DGCR2: variants seen among roughly 807,000 people sequenced by gnomAD.
The protein encoded by DGCR2 is DiGeorge syndrome critical region gene 2, also known as integral membrane protein DGCR2/IDD.
A neutral mutation model predicts 51.6 loss-of-function variants in DGCR2; 24 were observed. The observed-to-expected ratio is 0.47, with a 90% confidence interval of 0.34 to 0.65. The LOEUF is 0.65. Ranked by LOEUF, DGCR2 falls within the 30% of genes least tolerant of loss-of-function variation. The pLI, the probability that DGCR2 is intolerant of heterozygous loss-of-function variation, is 0.01. For synonymous variants in DGCR2, 340 were observed against 315.4 expected (o/e 1.08, Z -0.82); for missense variants, 765 against 772.1 (o/e 0.99, Z 0.11).
chr22:19,114,027 C>A, intron 1 of DGCR2, among the ~76,000 whole-genome samples: 1 of 148,110 alleles, frequency 6.8e-6, no homozygotes, highest in Admixed American at 6.8e-5. Context: ...CCACTGCACT[C>A]CAGCCTGGGC....
chr22:19,087,535 G>A (rs528986081), intron 2 of DGCR2, among the ~76,000 whole-genome samples: 53 of 152,168 alleles, frequency 3.5e-4, no homozygotes, highest in African/African-American at 1.2e-3. Context: ...TCGCCACCAC[G>A]CCCAGCTAAT....
In DGCR2 at chr22:19,065,019, G is replaced by A. The variant is rs2082732343; in HGVS notation, c.377C>T (p.Ala126Val). The change falls in exon 4 of 10, where the codon GCC (alanine) becomes GTC (valine). Residue 126 changes from alanine to valine, a missense_variant. This residue lies in a region of DGCR2 where 370 missense variants were observed against 325.5 expected (regional missense o/e 1.14). Transcript: ENST00000263196. ...GCTCAGGTAGACCCGGTAGCAGCTG[G>A]CCGTGCCTTCGTAGTGGTGCCACCC... ...PTGWHHYEGT[A>V]SCYRVYLSGE... 1 of 1,613,948 alleles carries A rather than the reference G, an allele frequency of 6.2e-7. No individual in the cohort carries two copies.
At chr22:19,077,273 T>C (rs577872271) in intron 2 of DGCR2, among the ~76,000 whole-genome samples, 22 of 152,360 alleles carry the variant, frequency 1.4e-4, no homozygotes, top group African/African-American at 5.1e-4. Flanking sequence ...CCAAATCCAG[T>C]GTCACGAAGA....
intron 1 of DGCR2, among the ~76,000 whole-genome samples, chr22:19,114,882 C>T (rs556712491): frequency 6.6e-6 from 1 of 152,312 alleles, no homozygotes; most frequent in East Asian, 1.9e-4. Context: ...CAGTACTGTC[C>T]TGTCCAACAG....
At chr22:19,039,718 C>T (rs1187101008) in intron 9 of DGCR2, among the ~76,000 whole-genome samples, 1 of 151,266 alleles carries the variant, frequency 6.6e-6, no homozygotes, top group East Asian at 1.9e-4. Context: ...TTATTACTTG[C>T]TTTTTTTTTC....
At chr22:19,079,744 GGAGCAGCCCCAGTCCCTGGCTCAA>G (rs1449389093) in intron 2 of DGCR2, among the ~76,000 whole-genome samples, 4 of 152,234 alleles carry the variant, frequency 2.6e-5, no homozygotes, top group Non-Finnish European at 5.9e-5. Flanking sequence ...TGAAAGCAGG[GGAGCAGCCCCAGTCCCTGGCTCAA>G]GCCCCCACAT....
chr22:19,079,847 G>C (rs1201947723), intron 2 of DGCR2, among the ~76,000 whole-genome samples: 3 of 152,228 alleles, frequency 2.0e-5, no homozygotes, highest in Non-Finnish European at 4.4e-5. Context: ...TTCTGGTCTG[G>C]TGTGCTTTGT....
intron 1 of DGCR2, among the ~76,000 whole-genome samples, chr22:19,117,549 A>T (rs2083386506): frequency 6.6e-6 from 1 of 152,236 alleles, no homozygotes; most frequent in Non-Finnish European, 1.5e-5. Context: ...ACAAGGATAA[A>T]CGGCCATGGC....
At chr22:19,108,570 A>T (rs1348024637) in intron 1 of DGCR2, among the ~76,000 whole-genome samples, 50 of 3,660 alleles carry the variant, frequency 0.014, no homozygotes, top group Non-Finnish European at 0.024. Context: ...GAATTTATCT[A>T]AAAAAAAAAA....
In DGCR2 at chr22:19,045,712, G is replaced by C. The variant is rs1412246588; in HGVS notation, c.1006+2728C>G. 2.6e-5 allele frequency among the ~76,000 whole-genome samples: 4 copies of C among 152,054 alleles called. No individual in the cohort carries two copies. The East Asian group carries it at 7.7e-4, about 29-fold the overall frequency. ...AGTACTACAATTACAGGCATGAGCCGCTGAACCCAGCCCTATTTTATTTTT... is the reference window on the plus strand; with the variant it reads ...AGTACTACAATTACAGGCATGAGCCCCTGAACCCAGCCCTATTTTATTTTT... On this transcript the variant is annotated intron_variant, in intron 7 of 9. Transcript: ENST00000263196.
intron 1 of DGCR2, among the ~76,000 whole-genome samples, chr22:19,102,477 T>C (rs1601292977): frequency 1.3e-5 from 2 of 148,162 alleles, no homozygotes. Flanking sequence ...CTGAGGTGGG[T>C]GGATCATGAG....
At chr22:19,096,899 A>G in intron 1 of DGCR2, among the ~76,000 whole-genome samples, 1 of 151,648 alleles carries the variant, frequency 6.6e-6, no homozygotes. Flanking sequence ...AAAAACAAAA[A>G]AAAAAAACAC....
At chr22:19,106,898 C>A (rs1285580226) in intron 1 of DGCR2, among the ~76,000 whole-genome samples, 2 of 151,912 alleles carry the variant, frequency 1.3e-5, no homozygotes, top group Non-Finnish European at 2.9e-5. Context: ...TTTCCTTCAC[C>A]GAGACAGCAG....
At chr22:19,111,337 C>T (rs879486843) in intron 1 of DGCR2, among the ~76,000 whole-genome samples, 2 of 152,168 alleles carry the variant, frequency 1.3e-5, no homozygotes, top group African/African-American at 2.4e-5. Flanking sequence ...GAAAAGGTGC[C>T]CGGTTCTTAG....
intron 5 of DGCR2, among the ~76,000 whole-genome samples, chr22:19,059,718 G>A (rs999595225): frequency 1.5e-4 from 23 of 152,074 alleles, no homozygotes; most frequent in Admixed American, 1.2e-3. Context: ...ACTCTGACGG[G>A]AGCCTTGGGC....
chr22:19,094,371 G>A (rs1003867321), intron 1 of DGCR2, among the ~76,000 whole-genome samples: 5 of 152,332 alleles, frequency 3.3e-5, no homozygotes, highest in Admixed American at 2.6e-4. Context: ...GTTGCAGTGA[G>A]CCAAGATTGC....
chr22:19,059,621 C>T (rs2082638712), intron 5 of DGCR2, among the ~76,000 whole-genome samples: 1 of 152,090 alleles, frequency 6.6e-6, no homozygotes, highest in Admixed American at 6.5e-5. Context: ...CCCCTGCCAC[C>T]CCAGCAGATC....
intron 1 of DGCR2, among the ~76,000 whole-genome samples, chr22:19,114,111 G>C (rs1344199781): frequency 7.9e-6 from 1 of 126,784 alleles, no homozygotes; most frequent in Non-Finnish European, 1.6e-5. Context: ...ATCTTGCCCC[G>C]ACCCATTCCC....
chr22:19,087,317 T>G (rs1243549838), intron 2 of DGCR2, among the ~76,000 whole-genome samples: 2 of 152,062 alleles, frequency 1.3e-5, no homozygotes, highest in Non-Finnish European at 2.9e-5. Flanking sequence ...GGCAAACACC[T>G]CTACCAGAGA....
Sources: gnomAD v4.1 joint callset for allele counts (sites outside exome capture counted in the v4.1 genomes callset) on GRCh38, gnomAD v4.1.1 for gene constraint, gnomAD v4.1.1 regional missense constraint, MANE v1.5 for transcripts, NCBI Gene and HGNC (gene_info 2026-07-23, HGNC 2026-07-21) for gene names.